The following KCTD1 variants were observed in gnomAD, a reference collection of about 807,000 sequenced individuals.
KCTD1 encodes potassium channel tetramerization domain containing 1.
In KCTD1, 24 loss-of-function variants were observed where a neutral mutation model predicts 66.0. That is an observed-to-expected ratio of 0.36 (90% CI 0.26 to 0.51). The LOEUF (loss-of-function observed/expected upper bound fraction) is 0.51. Ranked by LOEUF, KCTD1 falls within the 20% of genes least tolerant of loss-of-function variation. The pLI is 0.95. For synonymous variants in KCTD1, 511 were observed against 517.2 expected (o/e 0.99, Z 0.16); for missense variants, 943 against 1,205.2 (o/e 0.78, Z 3.22).
chr18:26,503,313 TA>T (rs989033129), intron 1 of KCTD1, among the ~76,000 whole-genome samples: 2 of 150,830 alleles, frequency 1.3e-5, no homozygotes, highest in Admixed American at 6.6e-5. Context: ...TGGAAAAAAA[TA>T]AAAAAAACAA....
intron 1 of KCTD1, among the ~76,000 whole-genome samples, chr18:26,589,068 G>A (rs1032326240): frequency 2.6e-5 from 4 of 152,118 alleles, no homozygotes; most frequent in African/African-American, 9.7e-5. Context: ...AGGCATATGT[G>A]TAGGGGGAAT....
upstream of KCTD1, among the ~76,000 whole-genome samples, chr18:26,643,952 A>G (rs558355314): frequency 7.3e-5 from 11 of 150,830 alleles, no homozygotes; most frequent in South Asian, 1.9e-3. Flanking sequence ...ACAGAGTGAG[A>G]CTCTGTCTCA....
chr18:26,555,724 G>T (rs533720400), intron 1 of KCTD1, among the ~76,000 whole-genome samples: 54 of 152,314 alleles, frequency 3.5e-4, no homozygotes, highest in African/African-American at 1.1e-3. Context: ...AGTATTTGTG[G>T]AATGGAGAAG....
At chr18:26,532,257 C>CTT (rs757573584) in intron 1 of KCTD1, among the ~76,000 whole-genome samples, 8 of 128,192 alleles carry the variant, frequency 6.2e-5, no homozygotes, top group African/African-American at 2.0e-4. Context: ...TCTTTTCTTT[C>CTT]CTTCTTTTTT....
chr18:26,531,250 G>A (rs967004530), intron 1 of KCTD1, among the ~76,000 whole-genome samples: 4 of 152,118 alleles, frequency 2.6e-5, no homozygotes, highest in Non-Finnish European at 4.4e-5. Context: ...CCTAGCACTT[G>A]GGAGGCTGAA....
At chr18:26,457,074 T>C (rs530068823) in intron 4 of KCTD1, 4 of 151,360 alleles carry the variant, frequency 2.6e-5, no homozygotes, top group Non-Finnish European at 5.9e-5. Flanking sequence ...GTCTGCTATG[T>C]TGCAAAACAG....
intron 1 of KCTD1, among the ~76,000 whole-genome samples, chr18:26,560,509 G>C (rs1202531181): frequency 6.6e-6 from 1 of 152,150 alleles, no homozygotes; most frequent in Non-Finnish European, 1.5e-5. Context: ...GATAGGTCTG[G>C]GAAGTGGCCT....
chr18:26,490,416 T>A (rs1982136106), intron 2 of KCTD1, among the ~76,000 whole-genome samples: 1 of 151,836 alleles, frequency 6.6e-6, no homozygotes, highest in Non-Finnish European at 1.5e-5. Flanking sequence ...GGGACACTCT[T>A]CTGTTAATCT....
intron 1 of KCTD1, among the ~76,000 whole-genome samples, chr18:26,656,831 G>C (rs1457853545): frequency 2.0e-5 from 3 of 149,928 alleles, no homozygotes; most frequent in Non-Finnish European, 4.5e-5. Flanking sequence ...CTCTCGGCGG[G>C]GCCGGTTTGC....
chr18:26,555,648 A>G (rs1941676), intron 1 of KCTD1, among the ~76,000 whole-genome samples: 11,183 of 152,276 alleles, frequency 0.073, 571 homozygotes, highest in African/African-American at 0.15. Context: ...GTCACAAACT[A>G]TGCTGTAGAA....
At chr18:26,552,330 G>T (rs1985594040), upstream of KCTD1, among the ~76,000 whole-genome samples, 3 of 152,264 alleles carry the variant, frequency 2.0e-5, no homozygotes, top group South Asian at 6.2e-4. Context: ...TAATATACTG[G>T]ATATAGTTGG....
intron 1 of KCTD1, among the ~76,000 whole-genome samples, chr18:26,580,063 G>A (rs1202177425): frequency 6.6e-6 from 1 of 152,114 alleles, no homozygotes; most frequent in Non-Finnish European, 1.5e-5. Context: ...GAGAGTTCAG[G>A]CTCCACCTGC....
chr18:26,615,564 T>A (rs1424147319), intron 1 of KCTD1, among the ~76,000 whole-genome samples: 1 of 152,118 alleles, frequency 6.6e-6, no homozygotes, highest in African/African-American at 2.4e-5. Flanking sequence ...CAAAGAAATA[T>A]CTGTTTTGGG....
At chr18:26,457,031 A>AT (rs1453041171) in intron 4 of KCTD1, 9 of 151,712 alleles carry the variant, frequency 5.9e-5, no homozygotes, top group Admixed American at 1.3e-4. Flanking sequence ...AAAAAGTATT[A>AT]TTTTTTAGTT....
intron 3 of KCTD1, among the ~76,000 whole-genome samples, chr18:26,472,608 T>C (rs1201379753): frequency 6.6e-6 from 1 of 152,226 alleles, no homozygotes; most frequent in Non-Finnish European, 1.5e-5. Flanking sequence ...CTCCACATCA[T>C]GCTTTGGCCC....
intron 3 of KCTD1, among the ~76,000 whole-genome samples, chr18:26,474,948 C>T (rs1417894402): frequency 2.0e-5 from 3 of 151,874 alleles, no homozygotes; most frequent in Non-Finnish European, 4.4e-5. Context: ...TCTGGCTTTA[C>T]AATTCCCTCA....
chr18:26,634,539 C>T (rs1310969199), intron 1 of KCTD1, among the ~76,000 whole-genome samples: 1 of 151,950 alleles, frequency 6.6e-6, no homozygotes, highest in African/African-American at 2.4e-5. Flanking sequence ...AAGAAAGGGG[C>T]ATTGAGCTAA....
upstream of KCTD1, chr18:26,657,463 G>A (rs1988183688): frequency 9.1e-6 from 8 of 875,136 alleles, no homozygotes; most frequent in Non-Finnish European, 1.1e-5. Flanking sequence ...CGCCACACCA[G>A]AGAGAAATGC....
intron 1 of KCTD1, among the ~76,000 whole-genome samples, chr18:26,652,834 T>C (rs1988061410): frequency 1.3e-5 from 2 of 152,184 alleles, no homozygotes; most frequent in South Asian, 2.1e-4. Context: ...ATCTGGCTAT[T>C]AGAAATGACG....
Sources: gnomAD v4.1 joint callset for allele counts (sites outside exome capture counted in the v4.1 genomes callset) on GRCh38, gnomAD v4.1.1 for gene constraint, MANE v1.5 for transcripts, NCBI Gene and HGNC (gene_info 2026-07-23, HGNC 2026-07-21) for gene names.